The following REPS1 variants were observed in gnomAD, a reference collection of about 807,000 sequenced individuals.
REPS1 encodes ralBP1-associated Eps domain-containing protein 1.
A neutral mutation model predicts 100.9 loss-of-function variants in REPS1; 39 were observed. The observed-to-expected ratio is 0.39, with a 90% CI of 0.30 to 0.50. The LOEUF (loss-of-function observed/expected upper bound fraction) is 0.50, where lower values mean the gene tolerates loss of function less well. Ranked by LOEUF, REPS1 falls within the 20% of genes least tolerant of loss-of-function variation. The pLI, the probability that REPS1 is intolerant of heterozygous loss-of-function variation, is 0.86. For synonymous variants in REPS1, 324 were observed against 340.3 expected, an observed-to-expected ratio of 0.95 and a Z score of 0.53; for missense variants, 821 against 968.5, an observed-to-expected ratio of 0.85 and a Z score of 2.02.
intron 12 of REPS1, among the ~76,000 whole-genome samples, chr6:138,917,977 A>T (rs1780512481): frequency 6.6e-6 from 1 of 152,204 alleles, no homozygotes; most frequent in Non-Finnish European, 1.5e-5. Flanking sequence ...CCAACCGCAA[A>T]CAGAAAATAT....
Position 138,911,289 on chromosome 6 carries a change from G to C in REPS1, c.2054C>G (p.Ala685Gly). The C allele has an allele frequency of 6.2e-7, 1 of 1,605,398 alleles. No homozygotes were observed. The highest frequency in any genetic ancestry group is 1.1e-5 in the South Asian group (1 of 90,848). The change falls in exon 17 of 20, where the codon GCT becomes GGT. Residue 685 changes from alanine (A) to glycine (G), a missense_variant. Transcript: ENST00000450536. ...CATTTTGCATACCACATTGGCAGGAGCACTAGCAGCTGTCTTTTCTTCAGT... is the reference window on the plus strand; with the variant it reads ...CATTTTGCATACCACATTGGCAGGACCACTAGCAGCTGTCTTTTCTTCAGT... Reference protein sequence around the residue: ...SKTEEKTAASAPANVSKGTTP... With the variant: ...SKTEEKTAASGPANVSKGTTP...
At position 138,912,795 on chromosome 6, in the gene REPS1, A is replaced by C. The variant is rs1183609933; in HGVS notation, c.1941T>G (p.Asp647Glu). 6.2e-7 allele frequency: 1 copy of C among 1,614,210 alleles called. No individual in the cohort carries two copies. Among genetic ancestry groups the C allele is most frequent in the African/African-American group, 1.3e-5 (1 of 75,052 alleles). ...AASNVNDEQD[D>E]EAEKHPEVLP... ...GGACTTCTGGATGTTTCTCGGCTTC[A>C]TCATCTTGTTCGTCGTTTACATTTG... Residue 647 changes from aspartate (D) to glutamate (E), a missense_variant, in exon 16 of 20, where the codon GAT (aspartate) becomes GAG (glutamate). By Grantham distance (45) the Asp-to-Glu change is conservative. Around this residue, in one of 3 missense-constraint regions of REPS1, gnomAD observed 757 missense variants for 866.4 expected, o/e 0.87. Transcript: ENST00000450536.
At chr6:138,971,954 T>G (rs1265354267) in intron 1 of REPS1, among the ~76,000 whole-genome samples, 1 of 152,228 alleles carries the variant, frequency 6.6e-6, no homozygotes, top group African/African-American at 2.4e-5. Flanking sequence ...TAAACATCTA[T>G]TATGTGTTTT....
rs1779516103 is a variant in REPS1 at position 138,904,535 on chromosome 6, A to T, written c.*529T>A. On this transcript the variant is annotated 3_prime_UTR_variant, in exon 20 of 20. Transcript: ENST00000450536. ...CAAGTTGACATGTAAAAGAGGCTTC[A>T]ATGTACCACATGATTTGTGAAGAAT... The T allele has an allele frequency of 6.6e-6, 1 of 152,268 alleles. No individual in the cohort carries two copies. The highest frequency in any genetic ancestry group is 2.1e-4 in the South Asian group (1 of 4,838). 9.4% of individuals were successfully genotyped at this position (152,268 alleles called of 1,614,324 possible).
chr6:138,920,116 T>C (rs759319981), intron 12 of REPS1, 99 bp downstream of exon 12: 1 of 682,258 alleles, frequency 1.5e-6, no homozygotes, highest in Non-Finnish European at 2.6e-6. Flanking sequence ...CTCTACTTTA[T>C]CTAGTGAAGA....
intron 1 of REPS1, among the ~76,000 whole-genome samples, chr6:138,950,467 C>A (rs139874490): frequency 1.3e-5 from 2 of 152,056 alleles, no homozygotes; most frequent in East Asian, 1.9e-4. Flanking sequence ...GGCAACAGAG[C>A]AAGACTCTGT....
At chr6:138,954,282 T>C (rs1033440174) in intron 1 of REPS1, among the ~76,000 whole-genome samples, 1 of 151,878 alleles carries the variant, frequency 6.6e-6, no homozygotes, top group Non-Finnish European at 1.5e-5. Context: ...TAGTTAACAA[T>C]AATATATAGT....
intron 17 of REPS1, among the ~76,000 whole-genome samples, chr6:138,910,406 G>C (rs1441621286): frequency 6.6e-6 from 1 of 152,148 alleles, no homozygotes; most frequent in Non-Finnish European, 1.5e-5. Flanking sequence ...CCAGGGTGGA[G>C]TGTAGGGCAC....
intron 19 of REPS1, among the ~76,000 whole-genome samples, chr6:138,906,438 G>A (rs1188866): frequency 0.45 from 68,793 of 152,028 alleles, 15,789 homozygotes; most frequent in Admixed American, 0.55. Context: ...TGGCCTAAAT[G>A]ATAGTAATAC....
intron 8 of REPS1, among the ~76,000 whole-genome samples, chr6:138,930,458 G>A (rs1250706916): frequency 6.6e-6 from 1 of 152,144 alleles, no homozygotes; most frequent in African/African-American, 2.4e-5. Context: ...TCATCAGTAA[G>A]GTGGCTTTGA....
At chr6:138,905,881 T>C (rs1779614573) in intron 19 of REPS1, among the ~76,000 whole-genome samples, 2 of 152,236 alleles carry the variant, frequency 1.3e-5, no homozygotes, top group African/African-American at 2.4e-5. Flanking sequence ...TTAATCAATG[T>C]TGATTTTAGG....
chr6:138,929,960 A>C lies in REPS1; in HGVS notation c.1257+17T>G. The C allele has an allele frequency of 6.2e-7, 1 of 1,610,402 alleles. No homozygotes were observed. Among genetic ancestry groups the C allele is most frequent in the Non-Finnish European group, 8.5e-7 (1 of 1,177,538 alleles). ...AAGAGTTAACTTTTAATGAAAGAAA[A>C]GGAAAGCTTTGCTAACCTCACTGCT... On this transcript the variant is annotated intron_variant, in intron 9 of 19. Transcript: ENST00000450536.
At chr6:138,983,898 T>G (rs1470670780) in intron 1 of REPS1, among the ~76,000 whole-genome samples, 1 of 152,172 alleles carries the variant, frequency 6.6e-6, no homozygotes, top group African/African-American at 2.4e-5. Flanking sequence ...CATCTAAGAA[T>G]GTCTGAAACC....
intron 1 of REPS1, among the ~76,000 whole-genome samples, chr6:138,984,802 A>G (rs112935951): frequency 0.01 from 1,558 of 152,262 alleles, 25 homozygotes; most frequent in African/African-American, 0.035. Context: ...TTACCTACAC[A>G]ATTAGTTCAA....
chr6:138,920,214 C>A lies in REPS1; in HGVS notation c.1528+1G>T. The A allele has an allele frequency of 6.9e-7, 1 of 1,443,632 alleles. No individual in the cohort carries two copies. The allele number at this position is 1,443,632 out of a possible 1,614,324, so 89.4% of individuals were successfully genotyped here. On this transcript the variant is annotated splice_donor_variant, in intron 12 of 19. Coordinates refer to ENST00000450536, the MANE Select transcript of REPS1 (RefSeq NM_001286611.2). LOFTEE classifies it high-confidence loss of function. ...AATGGAAGATGTAATACTTCACTTA[C>A]CTACAGTATTACCAGAAGCGAATTT...
chr6:138,906,301 A>T (rs779966933), intron 19 of REPS1, among the ~76,000 whole-genome samples: 2 of 152,220 alleles, frequency 1.3e-5, no homozygotes, highest in Non-Finnish European at 1.5e-5. Context: ...GATAGACACA[A>T]AGTGGCCATA....
intron 9 of REPS1, chr6:138,929,031 C>T (rs926401948): frequency 8.5e-5 from 13 of 152,116 alleles, no homozygotes; most frequent in Non-Finnish European, 1.9e-4. Flanking sequence ...TTATTAATAT[C>T]TAGCATGCTC....
intron 1 of REPS1, among the ~76,000 whole-genome samples, chr6:138,956,003 C>CT (rs1783362465): frequency 6.6e-6 from 1 of 152,142 alleles, no homozygotes; most frequent in Admixed American, 6.5e-5. Flanking sequence ...ACTTCAGAGA[C>CT]TAAGTTATTT....
In REPS1 at chr6:138,944,550, GCAAAACTGAC is replaced by G; in HGVS notation, c.691_700del (p.Val231GlnfsTer10). The G allele has an allele frequency of 1.9e-6, 3 of 1,613,958 alleles. No homozygotes were observed. The highest frequency in any genetic ancestry group is 2.5e-6 in the Non-Finnish European group (3 of 1,179,844). On this transcript the variant is annotated frameshift_variant, in exon 5 of 20. Coordinates refer to ENST00000450536, the MANE Select transcript of REPS1 (RefSeq NM_001286611.2). LOFTEE classifies it high-confidence loss of function. ...AAGAGTACTGGTTGGTGGAGTATCTGCAAAACTGACCCAGTTTTCTTGAGGTGGAGGTGGG... is the reference window on the plus strand; with the variant it reads ...AAGAGTACTGGTTGGTGGAGTATCTGCCAGTTTTCTTGAGGTGGAGGTGGG...
Sources: allele counts gnomAD v4.1 joint callset (sites outside exome capture counted in the v4.1 genomes callset), GRCh38; gene constraint gnomAD v4.1.1; regional missense constraint gnomAD v4.1.1; transcripts MANE v1.5; gene names NCBI Gene and HGNC (gene_info 2026-07-23, HGNC 2026-07-21).